Variants in PRKCQ observed in about 807,000 individuals in gnomAD.
The protein encoded by PRKCQ is protein kinase C theta.
In PRKCQ, 41 loss-of-function variants were observed where a neutral mutation model predicts 91.2. That is an observed-to-expected ratio of 0.45 (90% CI 0.35 to 0.58). The LOEUF (loss-of-function observed/expected upper bound fraction) is 0.58. Among genes scored for constraint, PRKCQ ranks in the 20% least tolerant of loss-of-function variants. The pLI is 0.00. For synonymous variants in PRKCQ, 307 were observed against 316.9 expected (o/e 0.97, Z 0.33); for missense variants, 673 against 896.5 (o/e 0.75, Z 3.18).
intron 1 of PRKCQ, among the ~76,000 whole-genome samples, chr10:6,539,321 G>C (rs572776888): frequency 2.8e-4 from 43 of 152,204 alleles, no homozygotes; most frequent in Middle Eastern, 3.4e-3. Flanking sequence ...GTGGTGGTCC[G>C]TGGCCTGTTA....
chr10:6,561,735 G>A (rs1840641199), intron 1 of PRKCQ, among the ~76,000 whole-genome samples: 1 of 152,188 alleles, frequency 6.6e-6, no homozygotes, highest in Admixed American at 6.5e-5. Context: ...CATTCTCGCT[G>A]GTTTTTAATT....
intron 1 of PRKCQ, among the ~76,000 whole-genome samples, chr10:6,558,871 C>T (rs10752356): frequency 0.91 from 137,877 of 152,228 alleles, 63,185 homozygotes; most frequent in East Asian, 1. Context: ...AAACTTCATT[C>T]AGAGCTGAAC....
intron 1 of PRKCQ, among the ~76,000 whole-genome samples, chr10:6,562,223 A>AG (rs1307578286): frequency 6.6e-6 from 1 of 152,154 alleles, no homozygotes; most frequent in Non-Finnish European, 1.5e-5. Flanking sequence ...AGCCTCATAA[A>AG]TGCCCCGGTC....
chr10:6,534,767 CATATATCTATATATATATATATATAG>C (rs1839509256), intron 1 of PRKCQ, among the ~76,000 whole-genome samples: 1 of 94,808 alleles, frequency 1.1e-5, no homozygotes, highest in South Asian at 4.1e-4. Context: ...TAAATAGAAA[CATATATCTATATATATATATATATAG>C]ATATATATAT....
intron 1 of PRKCQ, among the ~76,000 whole-genome samples, chr10:6,573,337 GAAC>G (rs746955203): frequency 3.9e-5 from 6 of 152,164 alleles, no homozygotes; most frequent in African/African-American, 9.7e-5. Flanking sequence ...AAAACGACAA[GAAC>G]AACAACATTT....
chr10:6,411,695 C>G, the PRKCQ span, among the ~76,000 whole-genome samples: 2 of 152,174 alleles, frequency 1.3e-5, no homozygotes. Flanking sequence ...GTATGGCTGT[C>G]AAAACCTAAA....
the PRKCQ span, among the ~76,000 whole-genome samples, chr10:6,398,532 G>C: frequency 1.2e-4 from 18 of 152,246 alleles, no homozygotes; most frequent in African/African-American, 4.3e-4. Flanking sequence ...TTTGGAGTGG[G>C]CATGTGAGTC....
intron 1 of PRKCQ, among the ~76,000 whole-genome samples, chr10:6,540,179 T>C (rs1839724504): frequency 6.6e-6 from 1 of 152,246 alleles, no homozygotes; most frequent in South Asian, 2.1e-4. Flanking sequence ...TACTAGTTCT[T>C]GCTGCCAGGA....
At chr10:6,551,190 T>C (rs769171050) in intron 1 of PRKCQ, among the ~76,000 whole-genome samples, 36 of 152,192 alleles carry the variant, frequency 2.4e-4, no homozygotes, top group Admixed American at 1.5e-3. Context: ...GTGTGTGTTG[T>C]TCCCCTCTTT....
chr10:6,435,631 T>A (rs1833663232), intron 16 of PRKCQ, among the ~76,000 whole-genome samples: 1 of 152,222 alleles, frequency 6.6e-6, no homozygotes, highest in Non-Finnish European at 1.5e-5. Context: ...TTTGGCTTCC[T>A]TGGGCCGCAT....
intron 1 of PRKCQ, among the ~76,000 whole-genome samples, chr10:6,572,201 T>C (rs79833629): frequency 0.021 from 3,256 of 152,274 alleles, 81 homozygotes; most frequent in East Asian, 0.07. Context: ...GAAAACTAAA[T>C]GCCATAGGTA....
chr10:6,487,648 T>A (rs1334434212), intron 8 of PRKCQ, among the ~76,000 whole-genome samples: 1 of 152,132 alleles, frequency 6.6e-6, no homozygotes, highest in Non-Finnish European at 1.5e-5. Flanking sequence ...CGTGTGCCCA[T>A]GTGACTGTGT....
the PRKCQ span, among the ~76,000 whole-genome samples, chr10:6,415,405 CATATATATATATATATATAT>C: frequency 0.2 from 21,094 of 104,644 alleles, 2,921 homozygotes; most frequent in East Asian, 0.61. Flanking sequence ...CAAGAAAATA[CATATATATATATATATATAT>C]ATATATATAT....
chr10:6,492,715 T>C (rs1253963906), intron 7 of PRKCQ, among the ~76,000 whole-genome samples: 1 of 152,222 alleles, frequency 6.6e-6, no homozygotes, highest in African/African-American at 2.4e-5. Flanking sequence ...AAATCAAACT[T>C]ATTGCAGGAA....
intron 5 of PRKCQ, 34 bp downstream of exon 5, chr10:6,498,362 C>G (rs767503315): frequency 6.2e-7 from 1 of 1,609,468 alleles, no homozygotes; most frequent in Non-Finnish European, 8.5e-7. Context: ...AATGCATAAC[C>G]CGAAGCTTGG....
chr10:6,464,585 C>T (rs192203585), intron 12 of PRKCQ, among the ~76,000 whole-genome samples, 181 bp from the exon 13 acceptor site: 8 of 152,248 alleles, frequency 5.3e-5, no homozygotes, highest in Admixed American at 1.3e-4. Context: ...GTAGCTGGGA[C>T]TACAGGCATG....
chr10:6,448,711 C>T (rs960876069), intron 15 of PRKCQ, among the ~76,000 whole-genome samples: 2 of 151,968 alleles, frequency 1.3e-5, no homozygotes, highest in Non-Finnish European at 2.9e-5. Flanking sequence ...CTGGCCAAAA[C>T]CAAGATTTTT....
chr10:6,527,302 A>C (rs1839233654), intron 1 of PRKCQ, among the ~76,000 whole-genome samples: 1 of 152,196 alleles, frequency 6.6e-6, no homozygotes, highest in Non-Finnish European at 1.5e-5. Context: ...TAGATATTTG[A>C]GGTCTATGTC....
intron 1 of PRKCQ, among the ~76,000 whole-genome samples, chr10:6,574,234 G>A (rs1454172109): frequency 6.6e-6 from 1 of 152,246 alleles, no homozygotes; most frequent in Non-Finnish European, 1.5e-5. Context: ...TGAGTTTGCA[G>A]TGCAAGCCGA....
Sources: gnomAD v4.1 joint callset for allele counts (sites outside exome capture counted in the v4.1 genomes callset) on GRCh38, gnomAD v4.1.1 for gene constraint, MANE v1.5 for transcripts, NCBI Gene and HGNC (gene_info 2026-07-23, HGNC 2026-07-21) for gene names.